Variants in DPP10 observed in about 807,000 individuals in gnomAD.
The protein encoded by DPP10 is dipeptidyl peptidase like 10.
A neutral mutation model predicts 120.9 loss-of-function variants in DPP10; 33 were observed. The ratio of observed to expected loss-of-function variants is 0.27; its 90% CI spans 0.21 to 0.37. The LOEUF (loss-of-function observed/expected upper bound fraction) is 0.37. DPP10 is among the 10% of genes least tolerant of loss of function. The probability of loss-of-function intolerance (pLI) is 1.00; values close to 1 mark genes in which losing one functional copy is unlikely to be tolerated. For synonymous variants in DPP10, 337 were observed against 326.1 expected (o/e 1.03, Z -0.36); for missense variants, 816 against 942.8 (o/e 0.87, Z 1.76).
chr2:115,194,364 A>G (rs2055104593), intron 1 of DPP10, among the ~76,000 whole-genome samples: 1 of 152,100 alleles, frequency 6.6e-6, no homozygotes, highest in African/African-American at 2.4e-5. Flanking sequence ...AGCTGGGATA[A>G]CAGGCATGCG....
At chr2:114,532,296 T>TATACACACACACACACACAC (rs1342125338) in intron 1 of DPP10, among the ~76,000 whole-genome samples, 1 of 74,760 alleles carries the variant, frequency 1.3e-5, no homozygotes, top group African/African-American at 6.6e-5. Flanking sequence ...TATATATATA[T>TATACACACACACACACACAC]ACACACACAC....
At chr2:114,950,292 CTTTTTT>C (rs35889704) in intron 1 of DPP10, among the ~76,000 whole-genome samples, 1 of 90,816 alleles carries the variant, frequency 1.1e-5, no homozygotes, top group South Asian at 4.1e-4. Flanking sequence ...CCACACCTTG[CTTTTTT>C]TTTTTTTTTT....
intron 1 of DPP10, among the ~76,000 whole-genome samples, chr2:114,456,116 A>T (rs1043366633): frequency 1.3e-5 from 2 of 152,194 alleles, no homozygotes; most frequent in African/African-American, 4.8e-5. Flanking sequence ...ACCCCGCTCA[A>T]GTCCTTATCA....
rs748768597 is a variant in DPP10, at chr2:115,812,460, GAAACAAAC to G, written c.1701-2313_1701-2306del. ...CTGTATCAGGATCAACTGGGCAACT[GAAACAAAC>G]AAACAAACAAACAAACAAAAAACAG... On this transcript the variant is annotated intron_variant, in intron 19 of 25. Coordinates refer to ENST00000410059, the MANE Select transcript of DPP10 (RefSeq NM_020868.6). 2.2e-4 allele frequency among the ~76,000 whole-genome samples: 33 copies of G among 152,126 alleles called. 3 individuals are homozygous for G. In the East Asian group the frequency reaches 4.3e-3, roughly 20 times the overall value.
chr2:114,924,823 AACTC>A (rs1558884897), intron 1 of DPP10, among the ~76,000 whole-genome samples: 1 of 152,312 alleles, frequency 6.6e-6, no homozygotes, highest in South Asian at 2.1e-4. Flanking sequence ...AAAACAAAAA[AACTC>A]ACAGCATTTA....
intron 1 of DPP10, among the ~76,000 whole-genome samples, chr2:115,264,335 T>C (rs1366800303): frequency 6.6e-6 from 1 of 152,212 alleles, no homozygotes; most frequent in African/African-American, 2.4e-5. Flanking sequence ...CTTTGGGCTG[T>C]AGGTTGGGTT....
intron 1 of DPP10, chr2:115,050,097 C>T (rs1313612057): frequency 1.3e-5 from 2 of 152,140 alleles, no homozygotes; most frequent in African/African-American, 2.4e-5. Flanking sequence ...AAAAACAACA[C>T]AAAAGCTAGG....
intron 1 of DPP10, among the ~76,000 whole-genome samples, chr2:114,710,003 A>C (rs1468691773): frequency 2.0e-5 from 3 of 152,188 alleles, no homozygotes; most frequent in Non-Finnish European, 4.4e-5. Flanking sequence ...ACCTACTTTC[A>C]GGAGGCCACA....
intron 3 of DPP10, among the ~76,000 whole-genome samples, chr2:115,426,434 ACCTCC>A (rs2070462124): frequency 1.9e-5 from 1 of 51,420 alleles, no homozygotes; most frequent in African/African-American, 9.1e-5. Flanking sequence ...ACCAGGTGCC[ACCTCC>A]GACGCTGGAG....
chr2:115,402,903 G>GTATA (rs1281282870), intron 3 of DPP10, among the ~76,000 whole-genome samples: 1 of 108,556 alleles, frequency 9.2e-6, no homozygotes, highest in Non-Finnish European at 1.9e-5. Flanking sequence ...ATATATATAT[G>GTATA]TATATATATG....
intron 1 of DPP10, among the ~76,000 whole-genome samples, chr2:114,707,938 G>C (rs924265914): frequency 6.6e-6 from 1 of 152,100 alleles, no homozygotes; most frequent in Non-Finnish European, 1.5e-5. Flanking sequence ...TTCTACAAAG[G>C]TTTCTAAGTG....
At chr2:114,656,389 T>C (rs142556473) in intron 1 of DPP10, among the ~76,000 whole-genome samples, 22 of 152,146 alleles carry the variant, frequency 1.4e-4, no homozygotes, top group African/African-American at 5.3e-4. Flanking sequence ...AAGGAGTGAT[T>C]TGCAGAAGAT....
At chr2:115,465,138 A>G (rs1038672177) in intron 3 of DPP10, among the ~76,000 whole-genome samples, 1 of 152,116 alleles carries the variant, frequency 6.6e-6, no homozygotes, top group Non-Finnish European at 1.5e-5. Flanking sequence ...AATACTTACA[A>G]TATATTTTTC....
chr2:114,799,710 T>A (rs898429139), intron 1 of DPP10, among the ~76,000 whole-genome samples: 2 of 152,158 alleles, frequency 1.3e-5, no homozygotes, highest in Non-Finnish European at 2.9e-5. Flanking sequence ...GGAAGCAGTT[T>A]TTGACTCAAA....
chr2:114,827,057 T>A (rs986923406), intron 1 of DPP10, among the ~76,000 whole-genome samples: 2 of 151,980 alleles, frequency 1.3e-5, no homozygotes, highest in Admixed American at 6.6e-5. Flanking sequence ...TTTTCTAGGT[T>A]TTATGGCTTG....
chr2:114,633,722 T>A (rs1312772365), intron 1 of DPP10, among the ~76,000 whole-genome samples: 1 of 151,768 alleles, frequency 6.6e-6, no homozygotes, highest in Non-Finnish European at 1.5e-5. Flanking sequence ...GAAGCAATTC[T>A]CCTGCCTCAG....
chr2:115,405,836 T>C (rs1247182335), intron 3 of DPP10, among the ~76,000 whole-genome samples: 2 of 152,190 alleles, frequency 1.3e-5, no homozygotes, highest in African/African-American at 4.8e-5. Flanking sequence ...AGGAGTGTGC[T>C]TGAGGCCTAT....
intron 1 of DPP10, among the ~76,000 whole-genome samples, chr2:114,891,892 A>G (rs564455795): frequency 6.6e-6 from 1 of 152,324 alleles, no homozygotes; most frequent in East Asian, 1.9e-4. Context: ...ATGATGATTT[A>G]TACTCCAGTC....
intron 1 of DPP10, among the ~76,000 whole-genome samples, chr2:114,599,258 G>A (rs1692173622): frequency 6.6e-6 from 1 of 151,872 alleles, no homozygotes; most frequent in Admixed American, 6.6e-5. Flanking sequence ...TGCATGCAAT[G>A]AAATGTGCAG....
Sources: allele counts gnomAD v4.1 joint callset (sites outside exome capture counted in the v4.1 genomes callset), GRCh38; gene constraint gnomAD v4.1.1; transcripts MANE v1.5; gene names NCBI Gene and HGNC (gene_info 2026-07-23, HGNC 2026-07-21).